TVP23C: variants seen among roughly 807,000 people sequenced by gnomAD.
TVP23C encodes Golgi apparatus membrane protein TVP23 homolog C.
In TVP23C, 19 loss-of-function variants were observed where a neutral mutation model predicts 28.7. The ratio of observed to expected loss-of-function variants is 0.66; its 90% confidence interval spans 0.46 to 0.97. The LOEUF is 0.97. TVP23C is among the 50% of genes least tolerant of loss of function. TVP23C has a pLI of 0.00. For missense variants in TVP23C, 186 were observed against 241.3 expected (o/e 0.77, Z 1.52); for synonymous variants, 68 against 81.7 (o/e 0.83, Z 0.90).
intron 1 of TVP23C, among the ~76,000 whole-genome samples, chr17:15,559,425 G>A (rs1984280381): frequency 6.8e-6 from 1 of 147,262 alleles, no homozygotes; most frequent in Admixed American, 6.9e-5. Flanking sequence ...TCAGCAGTTT[G>A]ATTTTGGACA....
intron 5 of TVP23C, among the ~76,000 whole-genome samples, chr17:15,504,453 G>A (rs1478495557): frequency 1.3e-5 from 2 of 152,202 alleles, no homozygotes; most frequent in African/African-American, 4.8e-5. Flanking sequence ...GTTGCTGGAA[G>A]AGAAGAGCTG....
At chr17:15,541,765 A>C (rs1983420764) in intron 5 of TVP23C, among the ~76,000 whole-genome samples, 1 of 152,132 alleles carries the variant, frequency 6.6e-6, no homozygotes, top group Non-Finnish European at 1.5e-5. Context: ...AGAGGGTGCT[A>C]GTTTCCTAAA....
intron 5 of TVP23C, among the ~76,000 whole-genome samples, chr17:15,509,610 C>G (rs1229111319): frequency 5.9e-5 from 9 of 152,154 alleles, no homozygotes; most frequent in African/African-American, 2.2e-4. Flanking sequence ...ACCTGTAGTT[C>G]CAGCAATTTG....
chr17:15,522,688 GAA>G (rs1458008877), intron 5 of TVP23C, among the ~76,000 whole-genome samples: 1 of 152,144 alleles, frequency 6.6e-6, no homozygotes, highest in East Asian at 1.9e-4. Flanking sequence ...AATGAATATT[GAA>G]AAGAGAAGTC....
intron 1 of TVP23C, 50 bp from the exon 2 acceptor site, chr17:15,555,414 C>G (rs774884895): frequency 1.2e-6 from 2 of 1,612,070 alleles, no homozygotes; most frequent in South Asian, 2.2e-5. Context: ...TCAGTGTTTA[C>G]ACAGCCACTG....
chr17:15,536,028 C>G (rs980982462), downstream of TVP23C, among the ~76,000 whole-genome samples: 1 of 152,014 alleles, frequency 6.6e-6, no homozygotes, highest in African/African-American at 2.4e-5. Flanking sequence ...CCCGTCTCTA[C>G]TAAAAATACA....
At chr17:15,561,639 A>C (rs1369986985) in intron 1 of TVP23C, among the ~76,000 whole-genome samples, 1 of 87,942 alleles carries the variant, frequency 1.1e-5, no homozygotes, top group African/African-American at 5.9e-5. Flanking sequence ...TGAATAAATA[A>C]ATAAATAAAT....
At chr17:15,519,692 T>C (rs1425828651) in intron 5 of TVP23C, among the ~76,000 whole-genome samples, 1 of 152,076 alleles carries the variant, frequency 6.6e-6, no homozygotes, top group Admixed American at 6.6e-5. Flanking sequence ...GGGTGGATCA[T>C]GAGGTCAGAA....
intron 5 of TVP23C, among the ~76,000 whole-genome samples, chr17:15,513,411 C>T (rs1429609911): frequency 1.3e-5 from 2 of 152,058 alleles, no homozygotes; most frequent in African/African-American, 2.4e-5. Flanking sequence ...AACAGTTATC[C>T]GTTTTCTTTA....
chr17:15,512,071 G>C (rs931440895), intron 5 of TVP23C, among the ~76,000 whole-genome samples: 1 of 152,158 alleles, frequency 6.6e-6, no homozygotes, highest in African/African-American at 2.4e-5. Flanking sequence ...AGCATGATTT[G>C]TACTTTTAAT....
chr17:15,528,360 G>A (rs1192167319), intron 5 of TVP23C, among the ~76,000 whole-genome samples: 1 of 151,486 alleles, frequency 6.6e-6, no homozygotes, highest in Non-Finnish European at 1.5e-5. Flanking sequence ...TTGACCCACT[G>A]GTTATTTAGC....
intron 1 of TVP23C, among the ~76,000 whole-genome samples, chr17:15,558,462 C>A (rs528394860): frequency 6.8e-6 from 1 of 146,262 alleles, no homozygotes; most frequent in African/African-American, 2.5e-5. Context: ...ATTTACTTGG[C>A]AAAAAGAATT....
chr17:15,555,324 G>T lies in TVP23C; in HGVS notation c.53C>A (p.Ala18Glu), dbSNP rs145919469. ...DDTEDVSLFD[A>E]EEETTNRPRK... ...TGGTCTATTAGTCGTCTCCTCTTCC[G>T]CATCAAACAGTGAAACATCTTCAGT... Residue 18 changes from alanine (A) to glutamate (E), a missense_variant, in exon 2 of 6, where the codon GCG becomes GAG. Transcript: ENST00000518321. The T allele has an allele frequency of 2.4e-4, 389 of 1,613,680 alleles. 1 individual carries two copies. Among genetic ancestry groups the T allele is most frequent in the Middle Eastern group, 8.2e-4 (5 of 6,078 alleles).
intron 5 of TVP23C, chr17:15,503,590 T>C (rs1424053875): frequency 6.1e-6 from 1 of 163,104 alleles, no homozygotes; most frequent in East Asian, 1.7e-4. Flanking sequence ...TGTCGAAAAA[T>C]TGGTGACATT....
rs142812077 is a variant in TVP23C at position 15,504,230 on chromosome 17, C to T, written c.463-998G>A. 1.4e-3 allele frequency among the ~76,000 whole-genome samples: 217 copies of T among 152,294 alleles called. 2 individuals are homozygous for T. Among genetic ancestry groups the T allele is most frequent in the African/African-American group, 4.9e-3 (202 of 41,550 alleles). Reference sequence around the variant, plus strand: ...ACTGGGCTTTATATTCCTGCATTTTCAACAGGAACAAGACTATGATGTGTG... The same window carrying T: ...ACTGGGCTTTATATTCCTGCATTTTTAACAGGAACAAGACTATGATGTGTG... On this transcript the variant is annotated intron_variant, in intron 5 of 5. Transcript: ENST00000225576.
At chr17:15,561,626 G>GAATAAATAAATAAATA (rs1223180108) in intron 1 of TVP23C, among the ~76,000 whole-genome samples, 3 of 127,152 alleles carry the variant, frequency 2.4e-5, no homozygotes, top group Admixed American at 7.6e-5. Flanking sequence ...ATGAATGAAT[G>GAATAAATAAATAAATA]AATGAATAAA....
intron 5 of TVP23C, among the ~76,000 whole-genome samples, chr17:15,508,660 G>A (rs1160240829): frequency 2.0e-5 from 3 of 152,172 alleles, no homozygotes; most frequent in African/African-American, 7.2e-5. Context: ...CATTTACATT[G>A]TGCAGTACTG....
intron 5 of TVP23C, among the ~76,000 whole-genome samples, chr17:15,506,578 C>T (rs1011319685): frequency 2.6e-4 from 39 of 152,186 alleles, no homozygotes; most frequent in African/African-American, 7.2e-4. Context: ...TTCCACACTG[C>T]GGAAGCTTTG....
chr17:15,512,636 T>C (rs1338882571), intron 5 of TVP23C, among the ~76,000 whole-genome samples: 1 of 152,210 alleles, frequency 6.6e-6, no homozygotes, highest in Non-Finnish European at 1.5e-5. Flanking sequence ...GCTTTGCATA[T>C]TGCTGGCTTC....
Sources: allele counts gnomAD v4.1 joint callset (sites outside exome capture counted in the v4.1 genomes callset), GRCh38; gene constraint gnomAD v4.1.1; transcripts MANE v1.5; gene names NCBI Gene and HGNC (gene_info 2026-07-23, HGNC 2026-07-21).